TMEM217B: variants seen among roughly 807,000 people sequenced by gnomAD.
The protein encoded by TMEM217B is putative transmembrane protein 217B.
the TMEM217B span, chr6:37,257,787 T>A: frequency 1.4e-5 from 14 of 973,560 alleles, no homozygotes; most frequent in African/African-American, 1.6e-4. Context: ...CAAGATGGCG[T>A]CCCCAGGAGC....
chr6:37,239,610 G>A, the TMEM217B span, among the ~76,000 whole-genome samples: 2 of 152,054 alleles, frequency 1.3e-5, no homozygotes, highest in East Asian at 1.9e-4. Flanking sequence ...TGCAGTTGAC[G>A]GCACCTTAGA....
the TMEM217B span, chr6:37,215,115 TTGGGTCAC>T: frequency 4.5e-6 from 7 of 1,568,790 alleles, no homozygotes; most frequent in South Asian, 7.0e-5. Flanking sequence ...CACCTCTCTC[TTGGGTCAC>T]TATAATAATG....
the TMEM217B span, among the ~76,000 whole-genome samples, chr6:37,238,229 T>C: frequency 6.6e-6 from 1 of 151,328 alleles, no homozygotes; most frequent in South Asian, 2.1e-4. Context: ...ATTAAATGAG[T>C]TAACATATTT....
the TMEM217B span, chr6:37,217,721 C>A: frequency 1.0e-6 from 1 of 985,332 alleles, no homozygotes; most frequent in Non-Finnish European, 1.2e-6. Flanking sequence ...CACAAACCCA[C>A]CCCAGGGCCA....
chr6:37,252,520 A>G, the TMEM217B span, among the ~76,000 whole-genome samples: 4 of 151,024 alleles, frequency 2.6e-5, no homozygotes, highest in African/African-American at 9.7e-5. Flanking sequence ...GCACACACAC[A>G]TGCATATATA....
At chr6:37,228,266 G>A in the TMEM217B span, among the ~76,000 whole-genome samples, 1 of 152,200 alleles carries the variant, frequency 6.6e-6, no homozygotes, top group African/African-American at 2.4e-5. Flanking sequence ...TTACTAGGGA[G>A]TAGTAGAGAT....
At chr6:37,218,021 T>C in the TMEM217B span, 260 of 991,608 alleles carry the variant, frequency 2.6e-4, no homozygotes, top group African/African-American at 4.1e-3. Flanking sequence ...CCTGAAAGAG[T>C]GGCAGTAGGG....
At chr6:37,246,433 G>C in the TMEM217B span, among the ~76,000 whole-genome samples, 11 of 152,138 alleles carry the variant, frequency 7.2e-5, no homozygotes, top group Admixed American at 5.9e-4. Context: ...GAGGCAAACT[G>C]TTACTTTTGC....
the TMEM217B span, among the ~76,000 whole-genome samples, chr6:37,243,361 G>GA: frequency 1.3e-5 from 2 of 152,000 alleles, no homozygotes; most frequent in African/African-American, 4.8e-5. Flanking sequence ...TTGAAAGGGG[G>GA]AAAAAAATGG....
the TMEM217B span, among the ~76,000 whole-genome samples, chr6:37,255,190 T>G: frequency 6.6e-6 from 1 of 151,756 alleles, no homozygotes; most frequent in South Asian, 2.1e-4. Context: ...TAAAGAAAAA[T>G]AGAGCCAGGC....
the TMEM217B span, among the ~76,000 whole-genome samples, chr6:37,254,936 G>A: frequency 6.6e-6 from 1 of 152,174 alleles, no homozygotes; most frequent in African/African-American, 2.4e-5. Context: ...TAAGGAGTGC[G>A]CAATGCAACC....
the TMEM217B span, among the ~76,000 whole-genome samples, chr6:37,242,943 T>G: frequency 1.4e-5 from 2 of 146,102 alleles, no homozygotes; most frequent in African/African-American, 4.9e-5. Flanking sequence ...CCTAGCAGTC[T>G]TCTTCTCATG....
At chr6:37,236,319 C>G in the TMEM217B span, among the ~76,000 whole-genome samples, 1 of 152,052 alleles carries the variant, frequency 6.6e-6, no homozygotes, top group Non-Finnish European at 1.5e-5. Flanking sequence ...GTTTTTTAGG[C>G]CCTGAACTAA....
chr6:37,232,057 CA>C, the TMEM217B span, among the ~76,000 whole-genome samples: 1 of 152,104 alleles, frequency 6.6e-6, no homozygotes, highest in African/African-American at 2.4e-5. Context: ...AAGGATAAGT[CA>C]CCTTATGAGG....
the TMEM217B span, among the ~76,000 whole-genome samples, chr6:37,247,909 G>A: frequency 2.6e-5 from 4 of 152,222 alleles, no homozygotes; most frequent in South Asian, 2.1e-4. Flanking sequence ...CATAGTTCTC[G>A]GGAGATGGGG....
the TMEM217B span, among the ~76,000 whole-genome samples, chr6:37,220,862 T>C: frequency 2.0e-5 from 3 of 152,152 alleles, no homozygotes; most frequent in African/African-American, 4.8e-5. Flanking sequence ...CAAACAACTA[T>C]GATTACTATA....
the TMEM217B span, among the ~76,000 whole-genome samples, chr6:37,247,911 G>C: frequency 1.3e-5 from 2 of 152,144 alleles, no homozygotes; most frequent in Admixed American, 1.3e-4. Context: ...TAGTTCTCGG[G>C]AGATGGGGGA....
the TMEM217B span, chr6:37,257,692 G>C: frequency 2.0e-5 from 11 of 547,304 alleles, no homozygotes; most frequent in East Asian, 3.6e-4. Context: ...CGGCCTGCAG[G>C]ATTCCGGCTC....
the TMEM217B span, among the ~76,000 whole-genome samples, chr6:37,238,955 C>A: frequency 1.3e-5 from 2 of 151,792 alleles, no homozygotes; most frequent in African/African-American, 4.8e-5. Flanking sequence ...CAGGGTGAAA[C>A]CCTGTCTCTA....
Sources: allele counts gnomAD v4.1 joint callset (sites outside exome capture counted in the v4.1 genomes callset), GRCh38; gene constraint gnomAD v4.1.1; transcripts MANE v1.5; gene names NCBI Gene and HGNC (gene_info 2026-07-23, HGNC 2026-07-21).